The following VIT variants were observed in gnomAD, a reference collection of about 807,000 sequenced individuals.
VIT encodes the protein vitrin.
In VIT, 99 loss-of-function variants were observed where a neutral mutation model predicts 78.0. That is an observed-to-expected ratio of 1.27 (90% CI 1.08 to 1.50). The LOEUF is 1.50. Ranked by LOEUF, VIT falls within the 40% of genes most tolerant of loss-of-function variation. The pLI, the probability that VIT is intolerant of heterozygous loss-of-function variation, is 0.00. For missense variants in VIT, 1,126 were observed against 875.3 expected (o/e 1.29, Z -3.61); for synonymous variants, 374 against 334.3 (o/e 1.12, Z -1.29).
intron 6 of VIT, among the ~76,000 whole-genome samples, chr2:36,761,042 C>T (rs1204370192): frequency 6.6e-6 from 1 of 152,108 alleles, no homozygotes; most frequent in African/African-American, 2.4e-5. Context: ...GTCAAGCACC[C>T]CCTATTTTTA....
intron 2 of VIT, among the ~76,000 whole-genome samples, chr2:36,722,968 T>A (rs1477826794): frequency 1.3e-5 from 2 of 150,960 alleles, no homozygotes; most frequent in Admixed American, 6.6e-5. Flanking sequence ...AGATTCTAAT[T>A]TTATAAATTA....
intron 6 of VIT, among the ~76,000 whole-genome samples, chr2:36,765,720 G>C (rs547928011): frequency 6.6e-6 from 1 of 152,388 alleles, no homozygotes; most frequent in East Asian, 1.9e-4. Flanking sequence ...AGGAATGCCA[G>C]CAGTCAGCAG....
At chr2:36,762,384 T>G (rs911209440) in intron 6 of VIT, among the ~76,000 whole-genome samples, 1 of 152,112 alleles carries the variant, frequency 6.6e-6, no homozygotes, top group Non-Finnish European at 1.5e-5. Context: ...GTCGGAAAAA[T>G]TATTTACTCC....
At chr2:36,799,716 C>T (rs1364010074) in intron 12 of VIT, among the ~76,000 whole-genome samples, 1 of 55,340 alleles carries the variant, frequency 1.8e-5, no homozygotes, top group Non-Finnish European at 3.3e-5. Context: ...AACCCTGTCT[C>T]TGAAAAAAAA....
At chr2:36,716,817 G>A (rs1421934017) in intron 2 of VIT, among the ~76,000 whole-genome samples, 5 of 149,860 alleles carry the variant, frequency 3.3e-5, no homozygotes, top group South Asian at 2.1e-4. Flanking sequence ...AATTCTTACC[G>A]CTGACATGGC....
At chr2:36,797,169 G>A (rs933093511) in intron 12 of VIT, among the ~76,000 whole-genome samples, 1 of 151,588 alleles carries the variant, frequency 6.6e-6, no homozygotes, top group East Asian at 1.9e-4. Flanking sequence ...AGACTTTAAG[G>A]ACTCTGAAGC....
intron 7 of VIT, among the ~76,000 whole-genome samples, chr2:36,768,925 G>A (rs977641222): frequency 6.6e-6 from 1 of 152,066 alleles, no homozygotes; most frequent in Admixed American, 6.5e-5. Flanking sequence ...TTTTATGGAC[G>A]ACTCTTTGAA....
Position 36,814,503 on chromosome 2 carries a change from A to G in VIT, c.*142A>G. On this transcript the variant is annotated 3_prime_UTR_variant, in exon 16 of 16. Transcript: ENST00000379242. ...AAATGTCTTGTTATTATTCTTTGCC[A>G]TCATGCTTTTTCATATTCCAAAACT... 9.2e-7 allele frequency: 1 copy of G among 1,090,142 alleles called. No homozygotes were observed. The highest frequency in any genetic ancestry group is 1.9e-5 in the South Asian group (1 of 52,258). 67.5% of individuals were successfully genotyped at this position (1,090,142 alleles called of 1,614,324 possible).
chr2:36,790,931 G>A (rs1213827434), intron 12 of VIT, among the ~76,000 whole-genome samples: 1 of 152,020 alleles, frequency 6.6e-6, no homozygotes, highest in Admixed American at 6.5e-5. Context: ...CAAGCCATTA[G>A]GTGAACTCTA....
rs755834708 is a variant in VIT, at chr2:36,808,707, T to C, written c.1625T>C (p.Ile542Thr). Residue 542 changes from isoleucine to threonine, a missense_variant, in exon 15 of 16, where the codon ATT (isoleucine) becomes ACT (threonine). Coordinates refer to ENST00000379242, the MANE Select transcript of VIT (RefSeq NM_053276.4). ...ACCAACCTCACCAAAGAGTTTGAGA[T>C]TTCCGACACGGACACGCGCATCGGG... The part of the protein sequence containing the change: ...FVTNLTKEFE[I>T]SDTDTRIGAV... 176 of 1,614,108 alleles carry C rather than the reference T, an allele frequency of 1.1e-4. No homozygotes were observed. The highest frequency in any genetic ancestry group is 1.5e-4 in the Non-Finnish European group (172 of 1,180,052).
chr2:36,810,755 T>G (rs1667103856), intron 15 of VIT, among the ~76,000 whole-genome samples: 1 of 151,952 alleles, frequency 6.6e-6, no homozygotes, highest in South Asian at 2.1e-4. Flanking sequence ...TGGCTCAGCC[T>G]CCCGAGTAGC....
intron 3 of VIT, among the ~76,000 whole-genome samples, chr2:36,738,850 C>T (rs1667664956): frequency 6.6e-6 from 1 of 152,130 alleles, no homozygotes; most frequent in South Asian, 2.1e-4. Flanking sequence ...GGAATTTTTC[C>T]TAATGGCAGC....
chr2:36,784,955 G>T (rs1664995003), intron 11 of VIT, among the ~76,000 whole-genome samples: 2 of 152,186 alleles, frequency 1.3e-5, no homozygotes, highest in African/African-American at 4.8e-5. Context: ...AGAGAATTAA[G>T]CAAATAGAGA....
At chr2:36,772,134 T>C (rs1218400407) in intron 7 of VIT, among the ~76,000 whole-genome samples, 1 of 152,164 alleles carries the variant, frequency 6.6e-6, no homozygotes, top group African/African-American at 2.4e-5. Flanking sequence ...AGGCTGGGCG[T>C]GGTGGCTCAT....
rs11885114 is a variant in VIT at position 36,759,304 on chromosome 2, T to G, written c.487+258T>G. The G allele has an allele frequency of 6.8e-3, 9,788 of 1,447,470 alleles. 503 individuals are homozygous for G. In the African/African-American group the frequency reaches 0.12, roughly 18 times the overall value. The allele number at this position is 1,447,470 out of a possible 1,614,324, so 89.7% of individuals were successfully genotyped here. A position where few individuals can be genotyped will look rare whatever the true frequency, so the allele number is the denominator to read the frequency against. On this transcript the variant is annotated intron_variant, in intron 6 of 15. Coordinates refer to ENST00000379242, the MANE Select transcript of VIT (RefSeq NM_053276.4). The stretch of plus-strand genomic sequence containing the variant: ...TTGTGTCATTTTCATTCAGATTGAC[T>G]GTTGCCTTGAGTTTTAATGTATTGT...
intron 3 of VIT, among the ~76,000 whole-genome samples, chr2:36,738,023 G>A (rs1667612486): frequency 6.6e-6 from 1 of 152,214 alleles, no homozygotes; most frequent in Admixed American, 6.5e-5. Flanking sequence ...CGGGAAAACA[G>A]TACAATGGAA....
At chr2:36,805,847 C>T (rs1223698596) in intron 14 of VIT, among the ~76,000 whole-genome samples, 183 bp downstream of exon 14, 2 of 152,150 alleles carry the variant, frequency 1.3e-5, no homozygotes, top group Non-Finnish European at 2.9e-5. Context: ...AGCAAAACCC[C>T]ACACCCACCA....
chr2:36,779,596 C>G (rs1664602669), intron 9 of VIT, among the ~76,000 whole-genome samples: 1 of 152,112 alleles, frequency 6.6e-6, no homozygotes, highest in African/African-American at 2.4e-5. Context: ...CATCCATTAG[C>G]TATTCTTCCT....
chr2:36,757,471 A>AT (rs1668838843), intron 5 of VIT, among the ~76,000 whole-genome samples: 1 of 151,728 alleles, frequency 6.6e-6, no homozygotes, highest in Non-Finnish European at 1.5e-5. Flanking sequence ...CAGAAAAAAA[A>AT]ATCACGTTTT....
Sources: allele counts gnomAD v4.1 joint callset (sites outside exome capture counted in the v4.1 genomes callset), GRCh38; gene constraint gnomAD v4.1.1; transcripts MANE v1.5; gene names NCBI Gene and HGNC (gene_info 2026-07-23, HGNC 2026-07-21).